The following LARGE1 variants were observed in gnomAD, a reference collection of about 807,000 sequenced individuals.
LARGE1 encodes the protein xylosyl- and glucuronyltransferase LARGE1.
In LARGE1, 43 loss-of-function variants were observed where a neutral mutation model predicts 87.6. The ratio of observed to expected loss-of-function variants is 0.49; its 90% confidence interval spans 0.38 to 0.63. LARGE1 has a LOEUF of 0.63. Ranked by LOEUF, LARGE1 falls within the 30% of genes least tolerant of loss-of-function variation. The probability of loss-of-function intolerance (pLI) is 0.00; values close to 1 mark genes in which losing one functional copy is unlikely to be tolerated. For missense variants in LARGE1, 802 were observed against 1,000.2 expected (o/e 0.80, Z 2.67); for synonymous variants, 434 against 394.6 (o/e 1.10, Z -1.18).
Position 33,785,058 on chromosome 22 carries a change from T to C in LARGE1, c.-82-23500A>G, listed in dbSNP as rs192808311. 2.4e-4 allele frequency among the ~76,000 whole-genome samples: 35 copies of C among 143,706 alleles called. No homozygotes were observed. The East Asian group carries it at 6.7e-3, about 27-fold the overall frequency. The allele number at this position is 143,706 out of a possible 152,430, so 94.3% of individuals were successfully genotyped here. A position where few individuals can be genotyped will look rare whatever the true frequency, so the allele number is the denominator to read the frequency against. ...ACATATATGTGTATACATACATGTG[T>C]ATATAGATATATGTGTATACATACA... On this transcript the variant is annotated intron_variant, in intron 1 of 14. Transcript: ENST00000397394.
At chr22:33,608,550 C>A (rs1355168404) in intron 4 of LARGE1, among the ~76,000 whole-genome samples, 2 of 152,194 alleles carry the variant, frequency 1.3e-5, no homozygotes, top group Non-Finnish European at 2.9e-5. Context: ...TACTGTGAGA[C>A]CACAGACGAC....
chr22:33,304,165 G>C, intron 12 of LARGE1, 64 bp downstream of exon 12: 1 of 1,582,376 alleles, frequency 6.3e-7, no homozygotes, highest in South Asian at 1.1e-5. Flanking sequence ...GGGCCTTTTG[G>C]TCCTGGCACT....
chr22:33,487,842 A>G (rs1200482329), intron 6 of LARGE1, among the ~76,000 whole-genome samples: 1 of 152,154 alleles, frequency 6.6e-6, no homozygotes, highest in Non-Finnish European at 1.5e-5. Context: ...CTGTTTCCCT[A>G]TCTGCAAAGT....
intron 6 of LARGE1, among the ~76,000 whole-genome samples, chr22:33,506,878 G>A (rs1455889822): frequency 6.6e-6 from 1 of 152,210 alleles, no homozygotes. Flanking sequence ...TCCAGCCTGG[G>A]CGACAGAGTT....
At chr22:33,780,209 G>A (rs1347041597) in intron 1 of LARGE1, among the ~76,000 whole-genome samples, 1 of 152,204 alleles carries the variant, frequency 6.6e-6, no homozygotes, top group Admixed American at 6.5e-5. Flanking sequence ...GTGGCTTCAG[G>A]ATGACCTCAA....
At chr22:33,494,960 AG>A (rs2070032519) in intron 6 of LARGE1, among the ~76,000 whole-genome samples, 1 of 152,118 alleles carries the variant, frequency 6.6e-6, no homozygotes, top group South Asian at 2.1e-4. Context: ...CTAGGGCTCA[AG>A]GGGAGAGCCA....
the LARGE1 span, among the ~76,000 whole-genome samples, chr22:33,086,831 G>A: frequency 2.6e-5 from 4 of 152,146 alleles, no homozygotes; most frequent in African/African-American, 7.2e-5. Context: ...GATTACAGGC[G>A]TGAGCCACCA....
chr22:33,399,839 C>T (rs957072012), intron 7 of LARGE1, among the ~76,000 whole-genome samples: 5 of 152,132 alleles, frequency 3.3e-5, no homozygotes, highest in Non-Finnish European at 5.9e-5. Context: ...TGAGCCACCA[C>T]GCCCGGCCAA....
At chr22:33,257,017 C>T (rs1351438056) in intron 11 of LARGE1, among the ~76,000 whole-genome samples, 2 of 151,914 alleles carry the variant, frequency 1.3e-5, no homozygotes, top group Non-Finnish European at 2.9e-5. Context: ...ACCAGCCTAA[C>T]CAACATGGAG....
intron 7 of LARGE1, among the ~76,000 whole-genome samples, chr22:33,429,918 G>A (rs1276666049): frequency 6.6e-6 from 1 of 152,162 alleles, no homozygotes; most frequent in Admixed American, 6.5e-5. Context: ...GTCTGGGAGA[G>A]CTTGCTGGGA....
intron 1 of LARGE1, among the ~76,000 whole-genome samples, chr22:33,821,235 G>A (rs776461367): frequency 3.3e-5 from 5 of 152,086 alleles, no homozygotes; most frequent in Non-Finnish European, 7.3e-5. Flanking sequence ...AAGCACAGAC[G>A]ATGTTGGTTA....
rs5999103 is a variant in LARGE1, at chr22:33,793,978, G to A, written c.-82-32420C>T. Among the ~76,000 whole-genome samples, 178 of 151,938 alleles carry A rather than the reference G, an allele frequency of 1.2e-3. 1 individual carries two copies. Among genetic ancestry groups the A allele is most frequent in the African/African-American group, 4.0e-3 (167 of 41,434 alleles). The stretch of plus-strand genomic sequence containing the variant: ...TGTTTTCATTTGTAAGTTTTCTATA[G>A]AGCCTCTGTCTCCTACAACTGCAGG... On this transcript the variant is annotated intron_variant, in intron 1 of 14. Transcript: ENST00000397394.
intron 6 of LARGE1, among the ~76,000 whole-genome samples, chr22:33,543,646 T>A (rs1007215690): frequency 1.1e-4 from 16 of 152,202 alleles, no homozygotes; most frequent in Admixed American, 7.9e-4. Flanking sequence ...TGACAGAGAC[T>A]TTACTGAGAC....
At chr22:33,156,778 T>G in the LARGE1 span, among the ~76,000 whole-genome samples, 1 of 152,028 alleles carries the variant, frequency 6.6e-6, no homozygotes, top group Non-Finnish European at 1.5e-5. Context: ...AATGATATGG[T>G]TTGGCTGTGT....
chr22:33,825,360 AAAGACATACCCGAGACTGGGTAATTGCT>A (rs1382689151), intron 1 of LARGE1, among the ~76,000 whole-genome samples: 18 of 125,982 alleles, frequency 1.4e-4, no homozygotes, highest in Non-Finnish European at 3.2e-4. Context: ...AATTATAATA[AAAGACATACCCGAGACTGGGTAATTGCT>A]AATAAAGACA....
chr22:33,710,502 C>T (rs1001730457), intron 2 of LARGE1, among the ~76,000 whole-genome samples: 8 of 152,186 alleles, frequency 5.3e-5, no homozygotes, highest in African/African-American at 1.4e-4. Context: ...AGGAACAACT[C>T]GTCCCTGGCT....
chr22:33,175,002 T>C (rs1922786033), intron 11 of LARGE1, among the ~76,000 whole-genome samples: 1 of 152,136 alleles, frequency 6.6e-6, no homozygotes, highest in African/African-American at 2.4e-5. Flanking sequence ...ATCATCCTGA[T>C]ACCAAAACCT....
chr22:33,272,506 T>C (rs1160640678), downstream of LARGE1, among the ~76,000 whole-genome samples: 1 of 152,240 alleles, frequency 6.6e-6, no homozygotes, highest in East Asian at 1.9e-4. Flanking sequence ...CTTTGACATG[T>C]ACTTTCAAAA....
rs144087511 is a variant in LARGE1, at chr22:33,381,861, G to A, written c.1131+58C>T. 1,954 of 1,610,642 alleles carry A rather than the reference G, an allele frequency of 1.2e-3. 23 individuals carry two copies. The African/African-American group carries it at 0.024, about 20-fold the overall frequency. ...AATCTCCCAGCCATCCATGCCCCTG[G>A]GAGGTCCTCTCGGCCCACCTCACCC... is the stretch of plus-strand genomic sequence containing the variant. On this transcript the variant is annotated intron_variant, in intron 9 of 14. Transcript: ENST00000397394.
Sources: allele counts gnomAD v4.1 joint callset (sites outside exome capture counted in the v4.1 genomes callset), GRCh38; gene constraint gnomAD v4.1.1; transcripts MANE v1.5; gene names NCBI Gene and HGNC (gene_info 2026-07-23, HGNC 2026-07-21).